The following TJP1 variants were observed in gnomAD, a reference collection of about 807,000 sequenced individuals.
TJP1 encodes tight junction protein ZO-1.
In TJP1, 43 loss-of-function variants were observed where a neutral mutation model predicts 194.2. The ratio of observed to expected loss-of-function variants is 0.22; its 90% CI spans 0.17 to 0.29. The LOEUF (loss-of-function observed/expected upper bound fraction) is 0.29. Among genes scored for constraint, TJP1 ranks in the 10% least tolerant of loss-of-function variants. TJP1 has a pLI of 1.00. For synonymous variants in TJP1, 801 were observed against 779.0 expected (o/e 1.03, Z -0.47); for missense variants, 1,971 against 2,185.7 (o/e 0.90, Z 1.96).
chr15:29,760,463 C>T (rs1300920779), intron 8 of TJP1, among the ~76,000 whole-genome samples: 1 of 152,148 alleles, frequency 6.6e-6, no homozygotes, highest in African/African-American at 2.4e-5. Context: ...GCAACCTCCG[C>T]TTCCCAGGTT....
rs567850867 is a variant in TJP1 at position 29,935,429 on chromosome 15, G to C, written c.306+20803C>G. 2.6e-5 allele frequency among the ~76,000 whole-genome samples: 4 copies of C among 152,288 alleles called. No homozygotes were observed. The East Asian group carries it at 5.8e-4, about 22-fold the overall frequency. ...TTACACCTCCCTTGAGGTGCTGGTA[G>C]CTTTAGAAATGTCGCCGGAGCAGCA... is the stretch of plus-strand genomic sequence containing the variant. On this transcript the variant is annotated intron_variant, in intron 2 of 28. Coordinates refer to the TJP1 transcript ENST00000356107.
At chr15:29,834,355 G>A (rs542156554) in intron 2 of TJP1, among the ~76,000 whole-genome samples, 1 of 152,052 alleles carries the variant, frequency 6.6e-6, no homozygotes, top group South Asian at 2.1e-4. Flanking sequence ...AGAGTAGCTG[G>A]GATTACAGGC....
In TJP1 at chr15:29,912,246, C is replaced by T. The variant is rs376747750; in HGVS notation, c.306+43986G>A. ...CCTAATCACCTCCCAAAGGTCCTACCGCCTAATACCATGGCACCGGGGAGT... is the reference window on the plus strand; with the variant it reads ...CCTAATCACCTCCCAAAGGTCCTACTGCCTAATACCATGGCACCGGGGAGT... On this transcript the variant is annotated intron_variant, in intron 2 of 28. Transcript: ENST00000356107. Among the ~76,000 whole-genome samples the T allele has an allele frequency of 5.0e-4, 76 of 152,318 alleles. 4 individuals are homozygous for T. Among genetic ancestry groups the T allele is most frequent in the African/African-American group, 1.7e-3 (70 of 41,574 alleles).
chr15:29,716,927 A>T (rs2042605647), intron 22 of TJP1, 89 bp from the exon 23 acceptor site: 1 of 1,143,198 alleles, frequency 8.7e-7, no homozygotes. Flanking sequence ...CTTGACTAAA[A>T]GGTCAATAAT....
At position 29,719,869 on chromosome 15, in the gene TJP1, C is replaced by A. The variant is rs770846340; in HGVS notation, c.2911G>T (p.Ala971Ser). ...PAPSTSYSPQ[A>S]DSLRTPSTEA... The stretch of plus-strand genomic sequence containing the variant: ...GTACTTGGTGTTCTTAAAGAATCAG[C>A]TTGTGGTGAGTAAGAGGTGGAAGGA... Residue 971 changes from alanine (A) to serine (S), a missense_variant, in exon 20 of 28, where the codon GCT becomes TCT. Ala to Ser is a moderately conservative substitution (Grantham distance 99). Around this residue, in one of 5 missense-constraint regions of TJP1, gnomAD observed 1,108 missense variants for 1,128.5 expected, o/e 0.98. Transcript: ENST00000614355. 1 of 1,614,094 alleles carries A rather than the reference C, an allele frequency of 6.2e-7. No homozygotes were observed. The highest frequency in any genetic ancestry group is 1.7e-5 in the Admixed American group (1 of 60,016).
chr15:29,784,642 A>C (rs1469814212), intron 2 of TJP1, among the ~76,000 whole-genome samples: 1 of 152,146 alleles, frequency 6.6e-6, no homozygotes, highest in Non-Finnish European at 1.5e-5. Flanking sequence ...CTTCAAGTAC[A>C]AAAAACACAA....
intron 2 of TJP1, among the ~76,000 whole-genome samples, chr15:29,793,470 A>T (rs1275472873): frequency 6.6e-6 from 1 of 151,790 alleles, no homozygotes; most frequent in Non-Finnish European, 1.5e-5. Context: ...GGCAATTTAT[A>T]TAAAAAAAGA....
intron 2 of TJP1, among the ~76,000 whole-genome samples, chr15:29,882,799 T>C (rs2052984963): frequency 6.6e-6 from 1 of 152,152 alleles, no homozygotes; most frequent in African/African-American, 2.4e-5. Flanking sequence ...TGGAGGGTGA[T>C]TTACAGAGTA....
chr15:29,899,208 T>C (rs1567177072), intron 2 of TJP1, among the ~76,000 whole-genome samples: 1 of 152,186 alleles, frequency 6.6e-6, no homozygotes, highest in Non-Finnish European at 1.5e-5. Context: ...GCCATGATCC[T>C]CCCAACTGTT....
Position 29,732,542 on chromosome 15 carries a change from C to A in TJP1, c.1922-14G>T, listed in dbSNP as rs1257497355. On this transcript the variant is annotated splice_polypyrimidine_tract_variant and intron_variant, in intron 14 of 27. Transcript: ENST00000614355. ...TCAGAAATCCAGCTGGAGAGAAATT[C>A]ACATGAAAAACAGCATATTTTATAC... 4 of 1,613,900 alleles carry A rather than the reference C, an allele frequency of 2.5e-6. No homozygotes were observed. The highest frequency in any genetic ancestry group is 3.4e-6 in the Non-Finnish European group (4 of 1,179,916).
At chr15:29,829,192 G>A (rs1302396621) in intron 2 of TJP1, among the ~76,000 whole-genome samples, 2 of 152,118 alleles carry the variant, frequency 1.3e-5, no homozygotes, top group East Asian at 3.9e-4. Flanking sequence ...TTAATATCTT[G>A]CATAACTATG....
chr15:29,965,186 C>CATTTATTT (rs58512547), intron 1 of TJP1, among the ~76,000 whole-genome samples: 13,490 of 148,258 alleles, frequency 0.091, 708 homozygotes, highest in South Asian at 0.16. Context: ...TACATCCTCA[C>CATTTATTT]ATTTATTTAT....
At chr15:29,899,782 C>T (rs1303377638) in intron 2 of TJP1, among the ~76,000 whole-genome samples, 3 of 152,130 alleles carry the variant, frequency 2.0e-5, no homozygotes, top group Non-Finnish European at 2.9e-5. Flanking sequence ...AGGACCCCAC[C>T]GACCCACTCA....
chr15:29,705,620 G>A lies in TJP1; in HGVS notation c.4976C>T (p.Pro1659Leu). The A allele has an allele frequency of 2.5e-6, 4 of 1,614,178 alleles. No individual in the cohort carries two copies. Among genetic ancestry groups the A allele is most frequent in the Non-Finnish European group, 3.4e-6 (4 of 1,180,034 alleles). The part of the protein sequence containing the change: ...SIETGVSIII[P>L]QGAIPEGVEQ... ...AACTCCTTCGGGAATGGCTCCTTGA[G>A]GGATAATTATACTAACACCAGTTTC... The change falls in exon 26 of 28, where the codon CCT becomes CTT. Residue 1659 changes from proline to leucine, a missense_variant. By Grantham distance (98) the Pro-to-Leu change is moderately conservative. Coordinates refer to ENST00000614355, the MANE Select transcript of TJP1 (RefSeq NM_001330239.4).
intron 2 of TJP1, among the ~76,000 whole-genome samples, chr15:29,886,612 A>G (rs1003384131): frequency 5.9e-5 from 9 of 151,526 alleles, no homozygotes; most frequent in African/African-American, 1.7e-4. Context: ...TTAAAAAAAA[A>G]AGTAGGTCAA....
chr15:29,869,685 C>T lies in TJP1; in HGVS notation c.307-68983G>A, dbSNP rs182849309. On this transcript the variant is annotated intron_variant, in intron 2 of 28. Transcript: ENST00000356107. ...AATCAGACAGGCACCTTACAGACACCGCATCACCCGCTGCCCTGTTCCACC... is the reference window on the plus strand; with the variant it reads ...AATCAGACAGGCACCTTACAGACACTGCATCACCCGCTGCCCTGTTCCACC... Among the ~76,000 whole-genome samples, 14 of 152,052 alleles carry T rather than the reference C, an allele frequency of 9.2e-5. 1 individual carries two copies. In the East Asian group the frequency reaches 1.4e-3, roughly 15 times the overall value.
At chr15:29,950,607 G>A (rs1319925619) in intron 2 of TJP1, among the ~76,000 whole-genome samples, 1 of 152,186 alleles carries the variant, frequency 6.6e-6, no homozygotes, top group Non-Finnish European at 1.5e-5. Flanking sequence ...GAGAACTGGT[G>A]ATAAGAGTGG....
intron 2 of TJP1, among the ~76,000 whole-genome samples, chr15:29,779,478 G>A (rs1299094738): frequency 6.6e-6 from 1 of 152,010 alleles, no homozygotes; most frequent in Admixed American, 6.6e-5. Context: ...CTCCTCATTT[G>A]GCAGTCTTGT....
At chr15:29,804,591 A>C (rs183440354) in intron 1 of TJP1, among the ~76,000 whole-genome samples, 20 of 152,266 alleles carry the variant, frequency 1.3e-4, no homozygotes, top group African/African-American at 3.6e-4. Context: ...AGGTAGGAGG[A>C]GTCTCACTTT....
Sources: allele counts gnomAD v4.1 joint callset (sites outside exome capture counted in the v4.1 genomes callset), GRCh38; gene constraint gnomAD v4.1.1; regional missense constraint gnomAD v4.1.1; transcripts MANE v1.5; gene names NCBI Gene and HGNC (gene_info 2026-07-23, HGNC 2026-07-21).